Variants in NRG4 observed in about 807,000 individuals in gnomAD.
NRG4 encodes the protein neuregulin 4.
NRG4 carries 10 observed loss-of-function variants against 15.0 expected under a neutral mutation model. That is an observed-to-expected ratio of 0.67 (90% CI 0.41 to 1.13). NRG4 has a LOEUF of 1.13. NRG4 is among the 50% of genes most tolerant of loss of function. The pLI, the probability that NRG4 is intolerant of heterozygous loss-of-function variation, is 0.00. For missense variants in NRG4, 139 were observed against 140.2 expected (o/e 0.99, Z 0.04); for synonymous variants, 41 against 50.1 (o/e 0.82, Z 0.77).
intron 4 of NRG4, among the ~76,000 whole-genome samples, chr15:76,050,143 A>C (rs1352926170): frequency 6.6e-6 from 1 of 150,860 alleles, no homozygotes; most frequent in African/African-American, 2.5e-5. Context: ...TCTGCGTTTC[A>C]AAGTAAACCA....
chr15:75,993,761 TTTC>T (rs1329750123), intron 3 of NRG4, among the ~76,000 whole-genome samples: 4 of 152,204 alleles, frequency 2.6e-5, no homozygotes, highest in African/African-American at 9.7e-5. Context: ...ACACCTACTC[TTTC>T]TTCTGTTTCC....
intron 3 of NRG4, among the ~76,000 whole-genome samples, chr15:75,979,920 A>G (rs542253538): frequency 8.4e-4 from 128 of 152,314 alleles, no homozygotes; most frequent in Non-Finnish European, 1.6e-3. Context: ...CTTCTTTGTT[A>G]GCTTTTGTAT....
At chr15:76,015,610 G>T (rs1355874647), upstream of NRG4, among the ~76,000 whole-genome samples, 2 of 152,118 alleles carry the variant, frequency 1.3e-5, no homozygotes, top group Non-Finnish European at 2.9e-5. Context: ...TACTCACGTG[G>T]TTTTTGTCAT....
chr15:76,004,739 ATTACT>A (rs1355141917), intron 3 of NRG4, among the ~76,000 whole-genome samples: 1 of 152,154 alleles, frequency 6.6e-6, no homozygotes, highest in African/African-American at 2.4e-5. Context: ...CTTATCAGTA[ATTACT>A]TTAAATGTAA....
At chr15:76,033,111 C>T (rs1207305768) in intron 5 of NRG4, among the ~76,000 whole-genome samples, 1 of 152,230 alleles carries the variant, frequency 6.6e-6, no homozygotes, top group Non-Finnish European at 1.5e-5. Flanking sequence ...TGACATTCTA[C>T]TCCTAAAAGT....
intron 5 of NRG4, among the ~76,000 whole-genome samples, chr15:76,023,935 C>T (rs925595863): frequency 2.0e-5 from 3 of 152,212 alleles, no homozygotes; most frequent in African/African-American, 7.2e-5. Flanking sequence ...CTCGGGGCTA[C>T]CAAGTAGCTG....
intron 2 of NRG4, among the ~76,000 whole-genome samples, chr15:76,054,100 CTTTT>C (rs1173435565): frequency 6.6e-6 from 1 of 150,440 alleles, no homozygotes; most frequent in Non-Finnish European, 1.5e-5. Context: ...GGATTTCTTT[CTTTT>C]TGAGATGGGG....
chr15:76,006,406 A>T (rs950792052), intron 3 of NRG4, among the ~76,000 whole-genome samples: 2 of 152,228 alleles, frequency 1.3e-5, no homozygotes, highest in African/African-American at 4.8e-5. Flanking sequence ...GAAAACAATT[A>T]TTTTTATAAA....
chr15:75,979,744 T>A (rs1419576021), intron 3 of NRG4, among the ~76,000 whole-genome samples: 1 of 152,212 alleles, frequency 6.6e-6, no homozygotes, highest in African/African-American at 2.4e-5. Context: ...TGTATTTTAA[T>A]GTTTAGTTTT....
intron 3 of NRG4, among the ~76,000 whole-genome samples, chr15:75,965,392 C>CTGT (rs375528512): frequency 1.2e-4 from 18 of 152,086 alleles, no homozygotes; most frequent in African/African-American, 4.3e-4. Flanking sequence ...GTAAACCAAG[C>CTGT]AACACTAGGT....
chr15:75,946,383 G>A (rs1336423293), intron 5 of NRG4, among the ~76,000 whole-genome samples: 1 of 152,074 alleles, frequency 6.6e-6, no homozygotes, highest in Non-Finnish European at 1.5e-5. Flanking sequence ...TTTGAGACGA[G>A]GTCTCGCTCT....
chr15:76,008,204 A>G (rs1294913204), intron 3 of NRG4, among the ~76,000 whole-genome samples: 1 of 152,200 alleles, frequency 6.6e-6, no homozygotes, highest in Non-Finnish European at 1.5e-5. Context: ...GTGTTAAGTA[A>G]TTGTTAATTT....
At chr15:76,005,812 G>A (rs758497383) in intron 3 of NRG4, 34 of 413,182 alleles carry the variant, frequency 8.2e-5, no homozygotes, top group South Asian at 6.3e-4. Flanking sequence ...CGTGTAGACT[G>A]AGGAGGAGGA....
At chr15:75,980,491 A>G (rs914054289) in intron 3 of NRG4, among the ~76,000 whole-genome samples, 2 of 152,024 alleles carry the variant, frequency 1.3e-5, no homozygotes, top group African/African-American at 4.8e-5. Context: ...GATAAAGGAT[A>G]CTCAACCTGT....
At chr15:76,011,589 G>A (rs1479154092) in intron 1 of NRG4, among the ~76,000 whole-genome samples, 1 of 151,756 alleles carries the variant, frequency 6.6e-6, no homozygotes, top group Admixed American at 6.6e-5. Context: ...CGTAAACATT[G>A]TTAACATAGT....
chr15:76,023,447 C>T (rs1304934363), intron 5 of NRG4, among the ~76,000 whole-genome samples: 1 of 152,184 alleles, frequency 6.6e-6, no homozygotes, highest in East Asian at 1.9e-4. Flanking sequence ...CCTATTGCCA[C>T]TGCAAATGCC....
intron 4 of NRG4, among the ~76,000 whole-genome samples, chr15:75,958,027 T>G (rs1192098226): frequency 6.6e-6 from 1 of 152,174 alleles, no homozygotes; most frequent in African/African-American, 2.4e-5. Context: ...TTTTTATTTT[T>G]TTTGAGACAG....
At chr15:76,013,137 C>T (rs1164017236), upstream of NRG4, among the ~76,000 whole-genome samples, 3 of 152,142 alleles carry the variant, frequency 2.0e-5, no homozygotes, top group African/African-American at 7.2e-5. Context: ...TATTACTTGA[C>T]TGATGTAAAG....
At chr15:76,055,794 GA>G (rs2036137620) in intron 2 of NRG4, among the ~76,000 whole-genome samples, 1 of 152,136 alleles carries the variant, frequency 6.6e-6, no homozygotes, top group Non-Finnish European at 1.5e-5. Context: ...ACACAGTTTA[GA>G]ATTACTGGTA....
Sources: gnomAD v4.1 joint callset for allele counts (sites outside exome capture counted in the v4.1 genomes callset) on GRCh38, gnomAD v4.1.1 for gene constraint, MANE v1.5 for transcripts, NCBI Gene and HGNC (gene_info 2026-07-23, HGNC 2026-07-21) for gene names.